The following LRMDA variants were observed in gnomAD, a reference collection of about 807,000 sequenced individuals.
The protein encoded by LRMDA is leucine-rich melanocyte differentiation-associated protein.
Under a neutral mutation model 29.8 loss-of-function variants are expected in LRMDA, and 18 were observed. That is an observed-to-expected ratio of 0.60 (90% CI 0.42 to 0.90). LRMDA has a LOEUF of 0.90. Ranked by LOEUF, LRMDA falls within the 40% of genes least tolerant of loss-of-function variation. The pLI, the probability that LRMDA is intolerant of heterozygous loss-of-function variation, is 0.00. For missense variants in LRMDA, 273 were observed against 273.9 expected (o/e 1.00, Z 0.02); for synonymous variants, 125 against 109.4 (o/e 1.14, Z -0.89).
At chr10:75,911,767 G>T (rs1315232157) in intron 2 of LRMDA, among the ~76,000 whole-genome samples, 1 of 152,204 alleles carries the variant, frequency 6.6e-6, no homozygotes, top group East Asian at 1.9e-4. Context: ...TGCCTTCAAA[G>T]AGCTTAAAAG....
At chr10:75,694,100 A>G (rs1842203696) in intron 2 of LRMDA, among the ~76,000 whole-genome samples, 1 of 152,222 alleles carries the variant, frequency 6.6e-6, no homozygotes, top group Non-Finnish European at 1.5e-5. Context: ...TTAACCAGAA[A>G]TAGGCAGGCA....
At chr10:75,772,073 A>G (rs1843248031) in intron 2 of LRMDA, among the ~76,000 whole-genome samples, 1 of 152,254 alleles carries the variant, frequency 6.6e-6, no homozygotes, top group Non-Finnish European at 1.5e-5. Context: ...ATTTGGTATC[A>G]AAAACATTTT....
chr10:75,541,894 C>G (rs1840021657), intron 2 of LRMDA, among the ~76,000 whole-genome samples: 1 of 152,162 alleles, frequency 6.6e-6, no homozygotes, highest in Non-Finnish European at 1.5e-5. Context: ...ACCTCTCTCT[C>G]CCCAAGCCAA....
At chr10:75,978,866 A>C (rs563091451) in intron 2 of LRMDA, among the ~76,000 whole-genome samples, 7 of 152,322 alleles carry the variant, frequency 4.6e-5, no homozygotes, top group African/African-American at 1.7e-4. Flanking sequence ...TCTAAATTTA[A>C]CTGCATCAAT....
At chr10:75,940,025 G>C (rs1367214269) in intron 2 of LRMDA, among the ~76,000 whole-genome samples, 1 of 152,036 alleles carries the variant, frequency 6.6e-6, no homozygotes, top group Non-Finnish European at 1.5e-5. Context: ...GCACCTTCTG[G>C]GACTAAAATG....
intron 6 of LRMDA, among the ~76,000 whole-genome samples, chr10:76,536,503 C>T (rs773739864): frequency 7.9e-5 from 12 of 151,978 alleles, no homozygotes; most frequent in East Asian, 1.9e-4. Context: ...AACTGAAGAG[C>T]GATTGATCTA....
intron 5 of LRMDA, among the ~76,000 whole-genome samples, chr10:76,265,664 T>C (rs1839998606): frequency 6.6e-6 from 1 of 152,208 alleles, no homozygotes; most frequent in African/African-American, 2.4e-5. Context: ...CAGGCCCTTA[T>C]GGGCTGAGTT....
chr10:76,086,658 G>C (rs563730313), intron 5 of LRMDA, among the ~76,000 whole-genome samples: 63 of 152,264 alleles, frequency 4.1e-4, no homozygotes, highest in African/African-American at 1.5e-3. Context: ...GTGGGAGAGA[G>C]AGCGTTTTAC....
chr10:75,718,575 C>T (rs1331252881), intron 2 of LRMDA, among the ~76,000 whole-genome samples: 1 of 152,168 alleles, frequency 6.6e-6, no homozygotes. Context: ...TCATAATGCA[C>T]CATTATTTGT....
intron 6 of LRMDA, among the ~76,000 whole-genome samples, chr10:76,507,993 TGAA>T (rs1842975721): frequency 1.3e-5 from 2 of 152,268 alleles, no homozygotes; most frequent in South Asian, 4.1e-4. Flanking sequence ...ATGACATTTT[TGAA>T]GAATACTAGC....
intron 2 of LRMDA, among the ~76,000 whole-genome samples, chr10:75,531,585 CAG>C (rs998473271): frequency 2.0e-5 from 3 of 152,180 alleles, no homozygotes. Flanking sequence ...GTAAGTGCCA[CAG>C]GGGTTTAAAA....
intron 2 of LRMDA, among the ~76,000 whole-genome samples, chr10:75,866,110 T>G (rs1845014458): frequency 2.0e-5 from 3 of 152,252 alleles, no homozygotes; most frequent in Non-Finnish European, 4.4e-5. Context: ...CTCCTCATCG[T>G]GCTGGCAGCC....
intron 6 of LRMDA, among the ~76,000 whole-genome samples, chr10:76,407,125 G>T (rs1412028679): frequency 6.6e-6 from 1 of 152,202 alleles, no homozygotes. Flanking sequence ...ACGCAGAGAT[G>T]TGGCAGCTGA....
chr10:76,423,415 T>C (rs1261673148), intron 6 of LRMDA, among the ~76,000 whole-genome samples: 1 of 152,000 alleles, frequency 6.6e-6, no homozygotes, highest in East Asian at 1.9e-4. Flanking sequence ...TAAAATAAAA[T>C]AAAATAAAGC....
intron 1 of LRMDA, 90 bp downstream of exon 1, chr10:75,431,844 C>T: frequency 8.3e-7 from 1 of 1,198,250 alleles, no homozygotes; most frequent in South Asian, 3.2e-5. Flanking sequence ...GCCTAGACAC[C>T]CCTGTCCCCG....
chr10:76,180,744 G>C (rs1465707836), intron 5 of LRMDA, among the ~76,000 whole-genome samples: 5 of 152,114 alleles, frequency 3.3e-5, no homozygotes, highest in Non-Finnish European at 7.4e-5. Context: ...GCCTGTTGTG[G>C]CCTCTAACCT....
chr10:76,068,320 T>C (rs559059278), intron 5 of LRMDA, among the ~76,000 whole-genome samples: 7 of 152,304 alleles, frequency 4.6e-5, no homozygotes, highest in African/African-American at 1.7e-4. Flanking sequence ...AAAAGCAAAG[T>C]TGTGGAGAAG....
Position 76,557,578 on chromosome 10 carries a change from C to T in LRMDA, c.*290C>T. On this transcript the variant is annotated 3_prime_UTR_variant, in exon 7 of 7. Coordinates refer to ENST00000611255, the MANE Select transcript of LRMDA (RefSeq NM_001305581.2). ...GCAACAGGGCTGACAGCATGAACAC[C>T]ATGATAGATTGCCTGGTCCTGCCAC... 1 of 457,610 alleles carries T rather than the reference C, an allele frequency of 2.2e-6. No individual in the cohort carries two copies. The highest frequency in any genetic ancestry group is 3.9e-6 in the Non-Finnish European group (1 of 253,358). The allele number at this position is 457,610 out of a possible 1,614,324, so 28.3% of individuals were successfully genotyped here. A position where few individuals can be genotyped will look rare whatever the true frequency, so the allele number is the denominator to read the frequency against.
At chr10:75,944,253 T>G (rs1846441884) in intron 2 of LRMDA, among the ~76,000 whole-genome samples, 1 of 152,184 alleles carries the variant, frequency 6.6e-6, no homozygotes, top group Non-Finnish European at 1.5e-5. Context: ...CCTCCATTGT[T>G]TCTTATGGGA....
Sources: allele counts gnomAD v4.1 joint callset (sites outside exome capture counted in the v4.1 genomes callset), GRCh38; gene constraint gnomAD v4.1.1; transcripts MANE v1.5; gene names NCBI Gene and HGNC (gene_info 2026-07-23, HGNC 2026-07-21).